The following FREM1 variants were observed in gnomAD, a reference collection of about 807,000 sequenced individuals.
The protein encoded by FREM1 is FRAS1 related extracellular matrix 1, also known as FRAS1-related extracellular matrix protein 1.
FREM1 carries 220 observed loss-of-function variants against 210.1 expected under a neutral mutation model. That is an observed-to-expected ratio of 1.05 (90% CI 0.94 to 1.17). The LOEUF is 1.17. Among genes scored for constraint, FREM1 ranks in the 50% most tolerant of loss-of-function variants. The pLI, the probability that FREM1 is intolerant of heterozygous loss-of-function variation, is 0.00. For synonymous variants in FREM1, 1,189 were observed against 980.2 expected (o/e 1.21, Z -3.98); for missense variants, 3,454 against 2,675.5 (o/e 1.29, Z -6.42).
chr9:14,783,736 A>T (rs1330947992), intron 24 of FREM1, among the ~76,000 whole-genome samples: 1 of 152,216 alleles, frequency 6.6e-6, no homozygotes, highest in East Asian at 1.9e-4. Context: ...CCTTTTCACC[A>T]GATTGTTATT....
chr9:14,802,993 CCCTCCCTCCCTT>C (rs1817577863), intron 19 of FREM1, among the ~76,000 whole-genome samples: 1 of 141,380 alleles, frequency 7.1e-6, no homozygotes, highest in Non-Finnish European at 1.5e-5. Flanking sequence ...CTCTTTCCCT[CCCTCCCTCCCTT>C]CCTCCCTCCC....
chr9:14,860,712 T>C (rs1829814542), intron 3 of FREM1, among the ~76,000 whole-genome samples: 2 of 98,768 alleles, frequency 2.0e-5, no homozygotes, highest in East Asian at 4.7e-4. Flanking sequence ...TATACACACA[T>C]ATATACACAT....
chr9:14,862,817 G>A (rs146256521), intron 3 of FREM1, among the ~76,000 whole-genome samples: 27 of 152,124 alleles, frequency 1.8e-4, no homozygotes, highest in African/African-American at 4.3e-4. Context: ...TCAGTGCTTC[G>A]TTGTTTTTTT....
rs1166737809 is a variant in FREM1 at position 14,868,776 on chromosome 9, T to C, written c.202A>G (p.Ile68Val). Residue 68 changes from isoleucine (I) to valine (V), a missense_variant, in exon 2 of 37, where the codon ATA (isoleucine) becomes GTA (valine). Transcript: ENST00000380880. ...CKVEVVMNEP[I>V]TQRVGKLTPQ... is the part of the protein sequence containing the mutation. ...GTGAGTTTCCCAACCCTCTGGGTTATTGGCTCATTCATCACAACTTCCACT... is the reference window on the plus strand; with the variant it reads ...GTGAGTTTCCCAACCCTCTGGGTTACTGGCTCATTCATCACAACTTCCACT... The C allele has an allele frequency of 6.2e-7, 1 of 1,612,718 alleles. No individual in the cohort carries two copies. Among genetic ancestry groups the C allele is most frequent in the Non-Finnish European group, 8.5e-7 (1 of 1,179,360 alleles).
rs756646275 is a variant in FREM1, at chr9:14,859,217, A to C, written c.597T>G (p.Arg199=). ...VLGEPRPEEP[R]GDQPHSFFPE... ...GGAAAAAACTGTGTGGCTGATCTCC[A>C]CGAGGTTCTTCTGGTCGAGGCTCCC... The change falls in exon 4 of 37, where the codon CGT becomes CGG. Residue 199 remains arginine, a synonymous_variant. Transcript: ENST00000380880. The C allele has an allele frequency of 3.6e-5, 57 of 1,604,010 alleles. No individual in the cohort carries two copies. The East Asian group carries it at 1.3e-3, about 36-fold the overall frequency.
Position 14,775,876 on chromosome 9 carries a change from G to A in FREM1, c.4770C>T (p.Cys1590=), listed in dbSNP as rs774860657. 4 of 1,613,888 alleles carry A rather than the reference G, an allele frequency of 2.5e-6. No individual in the cohort carries two copies. In the Admixed American group the frequency reaches 6.7e-5, roughly 27 times the overall value. ...RHSGGDSQTD[C]FTFMATDGTN... Reference sequence around the variant, plus strand: ...TCCCATCTGTGGCCATGAAAGTAAAGCAGTCAGTCTGGGAGTCCCCTCCTG... The same window carrying A: ...TCCCATCTGTGGCCATGAAAGTAAAACAGTCAGTCTGGGAGTCCCCTCCTG... The change falls in exon 25 of 37, where the codon TGC becomes TGT. Residue 1590 remains cysteine (C), a synonymous_variant. Coordinates refer to ENST00000380880, the MANE Select transcript of FREM1 (RefSeq NM_001379081.2).
At chr9:14,884,049 C>G (rs536497642) in intron 1 of FREM1, among the ~76,000 whole-genome samples, 1 of 152,012 alleles carries the variant, frequency 6.6e-6, no homozygotes, top group Admixed American at 6.6e-5. Flanking sequence ...ACTAACACGG[C>G]GAAACCCTGC....
intron 1 of FREM1, among the ~76,000 whole-genome samples, chr9:14,886,935 CTTT>C (rs1835927494): frequency 6.9e-6 from 1 of 145,752 alleles, no homozygotes; most frequent in Non-Finnish European, 1.5e-5. Flanking sequence ...TATCAATTGA[CTTT>C]TTATGATGTA....
In FREM1 at chr9:14,797,538, C is replaced by A. The variant is rs1485635439; in HGVS notation, c.3799G>T (p.Glu1267Ter). ...TTTTCATCATTAACTGGGATGACCTCTACTGAAATGGTTTTAAGTATCTTA... is the reference window on the plus strand; with the variant it reads ...TTTTCATCATTAACTGGGATGACCTATACTGAAATGGTTTTAAGTATCTTA... ...KHKILKTISVEVIPVNDEKPM... is the reference protein window; with the variant it reads ...KHKILKTISV The change falls in exon 21 of 37, where the codon GAG becomes TAG. Residue 1267 changes from glutamate (E) to a stop codon, truncating the protein, a stop_gained. Transcript: ENST00000380880. LOFTEE classifies it high-confidence loss of function. 5.0e-6 allele frequency: 8 copies of A among 1,612,176 alleles called. No individual in the cohort carries two copies. The highest frequency in any genetic ancestry group is 6.8e-6 in the Non-Finnish European group (8 of 1,178,796).
At chr9:14,869,754 C>T (rs1832240726) in intron 1 of FREM1, among the ~76,000 whole-genome samples, 1 of 152,180 alleles carries the variant, frequency 6.6e-6, no homozygotes, top group Non-Finnish European at 1.5e-5. Context: ...TCTGACTTTG[C>T]TGGGCAATGA....
intron 5 of FREM1, among the ~76,000 whole-genome samples, chr9:14,853,753 G>A (rs1195815345): frequency 6.6e-6 from 1 of 152,184 alleles, no homozygotes; most frequent in Non-Finnish European, 1.5e-5. Context: ...GCAGGTGAAC[G>A]ATACTGAGAT....
chr9:14,909,482 G>T (rs371290207), intron 1 of FREM1, among the ~76,000 whole-genome samples: 2 of 152,142 alleles, frequency 1.3e-5, no homozygotes, highest in Non-Finnish European at 2.9e-5. Context: ...TTAAGCAAAG[G>T]TATCCAGACA....
intron 29 of FREM1, among the ~76,000 whole-genome samples, chr9:14,752,281 G>C (rs984822486): frequency 3.9e-5 from 6 of 152,098 alleles, no homozygotes; most frequent in African/African-American, 1.4e-4. Context: ...GTGGGCTTTA[G>C]AAGTGAAAGG....
rs373642570 is a variant in FREM1 at position 14,807,922 on chromosome 9, A to G, written c.3088+18T>C. 570 of 1,587,616 alleles carry G rather than the reference A, an allele frequency of 3.6e-4. No individual in the cohort carries two copies. Among genetic ancestry groups the G allele is most frequent in the Non-Finnish European group, 4.6e-4 (532 of 1,157,940 alleles). ...CTAGGTCAGACAATAGTACTGGAACAAAAAAACACATTGTCACCTATTGCA... is the reference window on the plus strand; with the variant it reads ...CTAGGTCAGACAATAGTACTGGAACGAAAAAACACATTGTCACCTATTGCA... On this transcript the variant is annotated intron_variant, in intron 17 of 36. Transcript: ENST00000380880.
intron 1 of FREM1, among the ~76,000 whole-genome samples, chr9:14,876,387 C>T (rs1270302594): frequency 3.3e-5 from 5 of 152,102 alleles, no homozygotes; most frequent in African/African-American, 9.6e-5. Flanking sequence ...CAATGGCGGG[C>T]GCCCCTCCCC....
At chr9:14,837,280 C>G (rs750348047) in intron 10 of FREM1, among the ~76,000 whole-genome samples, 22 of 152,176 alleles carry the variant, frequency 1.4e-4, no homozygotes, top group Admixed American at 4.6e-4. Flanking sequence ...CCTCCAGCCT[C>G]TGCATATATA....
intron 10 of FREM1, among the ~76,000 whole-genome samples, chr9:14,832,716 G>A (rs1030054141): frequency 4.6e-5 from 7 of 152,116 alleles, no homozygotes; most frequent in African/African-American, 1.7e-4. Flanking sequence ...TGGCAAAAGG[G>A]TAAAAATTTC....
At chr9:14,826,928 C>G (rs962746844) in intron 10 of FREM1, among the ~76,000 whole-genome samples, 1 of 152,158 alleles carries the variant, frequency 6.6e-6, no homozygotes, top group African/African-American at 2.4e-5. Context: ...GCTGCCAGAA[C>G]TGTGAGAAAT....
intron 5 of FREM1, among the ~76,000 whole-genome samples, chr9:14,852,825 A>G (rs1828020901): frequency 6.6e-6 from 1 of 152,260 alleles, no homozygotes; most frequent in South Asian, 2.1e-4. Flanking sequence ...CCATTGGGCT[A>G]GGAGTTGTAA....
Sources: allele counts gnomAD v4.1 joint callset (sites outside exome capture counted in the v4.1 genomes callset), GRCh38; gene constraint gnomAD v4.1.1; transcripts MANE v1.5; gene names NCBI Gene and HGNC (gene_info 2026-07-23, HGNC 2026-07-21).